Variants in FAT3 observed in about 807,000 individuals in gnomAD.
FAT3 encodes FAT atypical cadherin 3, also known as protocadherin Fat 3.
FAT3 carries 95 observed loss-of-function variants against 310.2 expected under a neutral mutation model. The ratio of observed to expected loss-of-function variants is 0.31; its 90% confidence interval spans 0.26 to 0.36. The LOEUF is 0.36. Among genes scored for constraint, FAT3 ranks in the 10% least tolerant of loss-of-function variants. The pLI, the probability that FAT3 is intolerant of heterozygous loss-of-function variation, is 1.00. For synonymous variants in FAT3, 2,314 were observed against 2,192.9 expected (o/e 1.06, Z -1.54); for missense variants, 5,408 against 5,715.6 (o/e 0.95, Z 1.74).
chr11:92,723,122 A>C (rs1205704017), intron 4 of FAT3, among the ~76,000 whole-genome samples: 1 of 152,144 alleles, frequency 6.6e-6, no homozygotes, highest in East Asian at 1.9e-4. Context: ...TCAAGCTGCA[A>C]ATTTTCCAAA....
chr11:92,879,869 C>A (rs1335412809), intron 22 of FAT3, among the ~76,000 whole-genome samples: 1 of 152,078 alleles, frequency 6.6e-6, no homozygotes, highest in Non-Finnish European at 1.5e-5. Flanking sequence ...GGAGAGAAGA[C>A]TGCTAGTGGA....
intron 3 of FAT3, among the ~76,000 whole-genome samples, chr11:92,567,462 G>A (rs551956820): frequency 2.0e-5 from 3 of 149,440 alleles, no homozygotes; most frequent in South Asian, 4.3e-4. Flanking sequence ...TTCAACCATT[G>A]TGGAAGTCAG....
chr11:92,802,669 T>TG (rs1947394192), intron 10 of FAT3, among the ~76,000 whole-genome samples: 1 of 151,820 alleles, frequency 6.6e-6, no homozygotes, highest in South Asian at 2.1e-4. Context: ...AAAAACTATT[T>TG]GGGGGGTGGG....
intron 2 of FAT3, among the ~76,000 whole-genome samples, chr11:92,505,358 A>G (rs1209790473): frequency 1.3e-5 from 2 of 152,108 alleles, no homozygotes; most frequent in Non-Finnish European, 2.9e-5. Flanking sequence ...GGACGACTAG[A>G]TATTACACTT....
chr11:92,613,126 A>G (rs1021580750), intron 3 of FAT3, among the ~76,000 whole-genome samples: 9 of 152,216 alleles, frequency 5.9e-5, no homozygotes, highest in African/African-American at 2.2e-4. Flanking sequence ...ATCATGTTCA[A>G]GTATTCAATG....
chr11:92,298,067 C>A (rs1433572485), intron 1 of FAT3, among the ~76,000 whole-genome samples: 1 of 151,980 alleles, frequency 6.6e-6, no homozygotes, highest in East Asian at 1.9e-4. Flanking sequence ...CAGGATAAGA[C>A]AAGTGGTGAT....
chr11:92,484,660 T>C (rs930178546), intron 2 of FAT3, among the ~76,000 whole-genome samples: 1 of 152,236 alleles, frequency 6.6e-6, no homozygotes, highest in Non-Finnish European at 1.5e-5. Flanking sequence ...TCAAATCATT[T>C]AATCTTAAAC....
At chr11:92,866,032 C>T (rs1204633969) in intron 21 of FAT3, among the ~76,000 whole-genome samples, 1 of 152,174 alleles carries the variant, frequency 6.6e-6, no homozygotes, top group Non-Finnish European at 1.5e-5. Flanking sequence ...TAACCTTTAC[C>T]TAAACCATGA....
intron 2 of FAT3, among the ~76,000 whole-genome samples, chr11:92,450,304 T>C (rs1951322825): frequency 6.6e-6 from 1 of 152,212 alleles, no homozygotes; most frequent in South Asian, 2.1e-4. Context: ...AACTGCATCC[T>C]CTTCAAGGAC....
chr11:92,397,896 A>T (rs1457135297), intron 2 of FAT3, among the ~76,000 whole-genome samples: 5 of 152,230 alleles, frequency 3.3e-5, no homozygotes, highest in African/African-American at 1.2e-4. Context: ...TAGAGTTTAC[A>T]TTATGACCCA....
intron 1 of FAT3, among the ~76,000 whole-genome samples, chr11:92,326,800 T>C (rs1947780939): frequency 6.6e-6 from 1 of 152,226 alleles, no homozygotes; most frequent in South Asian, 2.1e-4. Context: ...TTCTATTGGC[T>C]ATTTACTCTC....
At chr11:92,679,406 A>G (rs939991852) in intron 3 of FAT3, among the ~76,000 whole-genome samples, 1 of 152,070 alleles carries the variant, frequency 6.6e-6, no homozygotes. Flanking sequence ...AAACTAATAT[A>G]CATTCCCTCC....
At position 92,883,523 on chromosome 11, in the gene FAT3, G is replaced by A. The variant is rs979687148; in HGVS notation, c.12937+130G>A. ...ATTCGCTATGACATGTGCTGATGTC[G>A]AATGTGCACACCAGCTCTGGAAAAT... On this transcript the variant is annotated intron_variant, in intron 24 of 27. Coordinates refer to ENST00000525166, the MANE Select transcript of FAT3 (RefSeq NM_001367949.2). The surrounding 1 kb of genome is among the most constrained non-coding windows in gnomAD (Gnocchi z 4.2). 31 of 1,207,152 alleles carry A rather than the reference G, an allele frequency of 2.6e-5. No individual in the cohort carries two copies. The African/African-American group carries it at 4.2e-4, about 16-fold the overall frequency. 74.8% of individuals were successfully genotyped at this position (1,207,152 alleles called of 1,614,324 possible). A position where few individuals can be genotyped will look rare whatever the true frequency, so the allele number is the denominator to read the frequency against.
chr11:92,742,311 A>G (rs1457158860), intron 4 of FAT3, among the ~76,000 whole-genome samples: 1 of 152,226 alleles, frequency 6.6e-6, no homozygotes, highest in South Asian at 2.1e-4. Flanking sequence ...AGGATTTTAT[A>G]AGAACTACAG....
intron 1 of FAT3, among the ~76,000 whole-genome samples, chr11:92,268,883 G>A (rs1195403120): frequency 6.6e-6 from 1 of 152,078 alleles, no homozygotes; most frequent in Admixed American, 6.6e-5. Flanking sequence ...CATTTTCAAG[G>A]GAGATTTTTG....
chr11:92,889,161 A>C (rs539607680), intron 25 of FAT3, 28 bp from the exon 26 acceptor site: 1 of 704,162 alleles, frequency 1.4e-6, no homozygotes, highest in East Asian at 2.7e-5. Context: ...TCCTTCCCCT[A>C]CCTCCGACTT....
At chr11:92,699,469 C>G (rs1380901806) in intron 4 of FAT3, among the ~76,000 whole-genome samples, 1 of 152,128 alleles carries the variant, frequency 6.6e-6, no homozygotes, top group Non-Finnish European at 1.5e-5. Flanking sequence ...TACCTTGAAA[C>G]TATGTACATC....
chr11:92,325,459 C>A (rs1947738881), intron 1 of FAT3, among the ~76,000 whole-genome samples: 1 of 152,054 alleles, frequency 6.6e-6, no homozygotes, highest in African/African-American at 2.4e-5. Context: ...TCTTCTTCCT[C>A]TTCATTTTTT....
Position 92,428,571 on chromosome 11 carries a change from T to C in FAT3, c.3292+73167T>C, listed in dbSNP as rs553877083. On this transcript the variant is annotated intron_variant, in intron 2 of 27. Transcript: ENST00000525166. ...TGCTTTAGCTGTGTCCCAGAGATTC[T>C]GGTACATTCTGTCTTTGTTCTCATT... 2.6e-4 allele frequency among the ~76,000 whole-genome samples: 40 copies of C among 152,338 alleles called. No homozygotes were observed. The South Asian group carries it at 8.3e-3, about 32-fold the overall frequency.
Sources: gnomAD v4.1 joint callset for allele counts (sites outside exome capture counted in the v4.1 genomes callset) on GRCh38, gnomAD v4.1.1 for gene constraint, Gnocchi (gnomAD v3.1) non-coding constraint, MANE v1.5 for transcripts, NCBI Gene and HGNC (gene_info 2026-07-23, HGNC 2026-07-21) for gene names.